The following LDB2 variants were observed in gnomAD, a reference collection of about 807,000 sequenced individuals.
LDB2 encodes the protein LIM domain-binding protein 2.
LDB2 carries 12 observed loss-of-function variants against 44.3 expected under a neutral mutation model. That is an observed-to-expected ratio of 0.27 (90% CI 0.17 to 0.44). The LOEUF (loss-of-function observed/expected upper bound fraction) is 0.44. Among genes scored for constraint, LDB2 ranks in the 20% least tolerant of loss-of-function variants. The probability of loss-of-function intolerance (pLI) is 1.00; values close to 1 mark genes in which losing one functional copy is unlikely to be tolerated. For synonymous variants in LDB2, 164 were observed against 174.8 expected, an observed-to-expected ratio of 0.94 and a Z score of 0.49; for missense variants, 344 against 473.5, an observed-to-expected ratio of 0.73 and a Z score of 2.54.
chr4:16,880,982 G>T (rs1719927265), intron 1 of LDB2, among the ~76,000 whole-genome samples: 1 of 151,330 alleles, frequency 6.6e-6, no homozygotes, highest in African/African-American at 2.4e-5. Flanking sequence ...TTGGTGCTAT[G>T]ACTCTCACAG....
chr4:16,512,149 C>G, intron 5 of LDB2, 45 bp from the exon 6 acceptor site: 1 of 1,506,110 alleles, frequency 6.6e-7, no homozygotes, highest in South Asian at 1.3e-5. Context: ...CTTCATAACA[C>G]TAATTACAAT....
intron 2 of LDB2, among the ~76,000 whole-genome samples, chr4:16,748,474 T>C (rs1252534911): frequency 6.6e-6 from 1 of 152,228 alleles, no homozygotes; most frequent in Admixed American, 6.5e-5. Context: ...ATGGGTAATT[T>C]TGTCATGGAG....
chr4:16,803,768 G>A (rs1051619150), intron 1 of LDB2, among the ~76,000 whole-genome samples: 5 of 152,108 alleles, frequency 3.3e-5, no homozygotes, highest in African/African-American at 7.2e-5. Flanking sequence ...GGAAATAGTC[G>A]TACTTATTTT....
At chr4:16,817,001 T>C (rs1274886685) in intron 1 of LDB2, among the ~76,000 whole-genome samples, 1 of 152,166 alleles carries the variant, frequency 6.6e-6, no homozygotes, top group Non-Finnish European at 1.5e-5. Context: ...ATTATTTTTA[T>C]TGGCTTCAGT....
chr4:16,615,267 T>C (rs1002182448), intron 2 of LDB2, among the ~76,000 whole-genome samples: 1 of 152,066 alleles, frequency 6.6e-6, no homozygotes, highest in East Asian at 1.9e-4. Flanking sequence ...TATAACCTAA[T>C]GGAATATAAA....
At chr4:16,687,411 G>A (rs1343150851) in intron 2 of LDB2, among the ~76,000 whole-genome samples, 1 of 152,170 alleles carries the variant, frequency 6.6e-6, no homozygotes, top group Non-Finnish European at 1.5e-5. Context: ...GAACCAGGAA[G>A]CAGGCTGTCA....
intron 2 of LDB2, among the ~76,000 whole-genome samples, chr4:16,651,570 C>T (rs775891522): frequency 1.5e-5 from 2 of 136,502 alleles, no homozygotes; most frequent in African/African-American, 2.5e-5. Flanking sequence ...TTCTTGGACC[C>T]TGGGGTGATT....
At chr4:16,758,558 G>A (rs960066234) in intron 2 of LDB2, among the ~76,000 whole-genome samples, 2 of 152,180 alleles carry the variant, frequency 1.3e-5, no homozygotes, top group African/African-American at 4.8e-5. Context: ...CAGATCAGCT[G>A]TTACCCAAGG....
chr4:16,858,022 G>A (rs560301504), intron 1 of LDB2, among the ~76,000 whole-genome samples: 14 of 151,340 alleles, frequency 9.3e-5, no homozygotes. Flanking sequence ...CAATAATACT[G>A]TCCCTCACAA....
intron 1 of LDB2, among the ~76,000 whole-genome samples, chr4:16,882,424 C>T (rs1455299649): frequency 2.0e-5 from 3 of 152,060 alleles, no homozygotes; most frequent in Non-Finnish European, 4.4e-5. Flanking sequence ...TTTCCCCTGC[C>T]TCCATAAAAA....
chr4:16,607,789 T>C (rs1724350871), intron 2 of LDB2, among the ~76,000 whole-genome samples: 1 of 152,060 alleles, frequency 6.6e-6, no homozygotes, highest in Non-Finnish European at 1.5e-5. Context: ...ATGGCACATT[T>C]GTGATGTAAA....
chr4:16,836,960 A>T (rs1177653463), intron 1 of LDB2, among the ~76,000 whole-genome samples: 1 of 152,192 alleles, frequency 6.6e-6, no homozygotes, highest in Non-Finnish European at 1.5e-5. Flanking sequence ...TTCATATTAC[A>T]CACACTGAAC....
chr4:16,607,834 T>G (rs887572386), intron 2 of LDB2, among the ~76,000 whole-genome samples: 3 of 152,186 alleles, frequency 2.0e-5, no homozygotes, highest in African/African-American at 7.2e-5. Context: ...AGTGGATAAA[T>G]GTGGACTTGG....
At chr4:16,576,149 C>T (rs1456375692) in intron 5 of LDB2, among the ~76,000 whole-genome samples, 2 of 152,126 alleles carry the variant, frequency 1.3e-5, no homozygotes, top group Non-Finnish European at 2.9e-5. Context: ...AGAACAACTT[C>T]AAATAAACAA....
chr4:16,669,099 G>A (rs751649182), intron 2 of LDB2, among the ~76,000 whole-genome samples: 3 of 152,210 alleles, frequency 2.0e-5, no homozygotes, highest in Non-Finnish European at 4.4e-5. Context: ...AGAAAGTGGA[G>A]AATGAATATT....
chr4:16,640,364 T>A (rs910704105), intron 2 of LDB2, among the ~76,000 whole-genome samples: 6 of 152,224 alleles, frequency 3.9e-5, no homozygotes, highest in African/African-American at 1.4e-4. Context: ...AGTTAGTGGA[T>A]TATAGATCGT....
chr4:16,845,482 T>C (rs1786793457), intron 1 of LDB2, among the ~76,000 whole-genome samples: 1 of 152,184 alleles, frequency 6.6e-6, no homozygotes, highest in African/African-American at 2.4e-5. Flanking sequence ...CACAAAGACC[T>C]GACACATGTT....
chr4:16,583,527 T>C (rs1448343142), intron 5 of LDB2, among the ~76,000 whole-genome samples: 1 of 152,240 alleles, frequency 6.6e-6, no homozygotes, highest in African/African-American at 2.4e-5. Flanking sequence ...GGCAACTTTA[T>C]ACATGAATGT....
In LDB2 at chr4:16,523,128, C is replaced by T. The variant is rs145144165; in HGVS notation, c.616-11024G>A. Among the ~76,000 whole-genome samples, 3 of 152,108 alleles carry T rather than the reference C, an allele frequency of 2.0e-5. No homozygotes were observed. In the East Asian group the frequency reaches 5.8e-4, roughly 29 times the overall value. On this transcript the variant is annotated intron_variant, in intron 5 of 7. Coordinates refer to ENST00000304523, the MANE Select transcript of LDB2 (RefSeq NM_001290.5). The stretch of plus-strand genomic sequence containing the variant: ...AATGGGGTATGTATATGTACGTATG[C>T]ATGTATGTACATATTTATTTTAAGA...
Sources: allele counts gnomAD v4.1 joint callset (sites outside exome capture counted in the v4.1 genomes callset), GRCh38; gene constraint gnomAD v4.1.1; transcripts MANE v1.5; gene names NCBI Gene and HGNC (gene_info 2026-07-23, HGNC 2026-07-21).